Variants in CPNE4 observed in about 807,000 individuals in gnomAD.
The protein encoded by CPNE4 is copine 4.
A neutral mutation model predicts 67.9 loss-of-function variants in CPNE4; 25 were observed. The ratio of observed to expected loss-of-function variants is 0.37; its 90% CI spans 0.27 to 0.51. CPNE4 has a LOEUF of 0.51. Ranked by LOEUF, CPNE4 falls within the 20% of genes least tolerant of loss-of-function variation. The pLI, the probability that CPNE4 is intolerant of heterozygous loss-of-function variation, is 0.93. For missense variants in CPNE4, 464 were observed against 690.8 expected, an observed-to-expected ratio of 0.67 and a Z score of 3.68; for synonymous variants, 242 against 244.9, an observed-to-expected ratio of 0.99 and a Z score of 0.11.
intron 7 of CPNE4, among the ~76,000 whole-genome samples, chr3:131,608,234 C>T (rs556612500): frequency 6.6e-6 from 1 of 152,236 alleles, no homozygotes; most frequent in Non-Finnish European, 1.5e-5. Flanking sequence ...TATCCCTTTC[C>T]TTAAAAACTT....
chr3:132,029,617 C>T (rs1451821213), intron 1 of CPNE4, among the ~76,000 whole-genome samples: 1 of 152,230 alleles, frequency 6.6e-6, no homozygotes, highest in Non-Finnish European at 1.5e-5. Flanking sequence ...TTGCCCTACA[C>T]TTGGATAAGA....
intron 2 of CPNE4, among the ~76,000 whole-genome samples, chr3:131,899,422 A>G (rs1463456987): frequency 1.3e-5 from 2 of 152,124 alleles, no homozygotes; most frequent in East Asian, 1.9e-4. Context: ...AGTTACGGCA[A>G]TTACTACAAA....
At position 131,878,987 on chromosome 3, in the gene CPNE4, T is replaced by C. The variant is rs1583391720; in HGVS notation, c.180+26277A>G. Among the ~76,000 whole-genome samples the C allele has an allele frequency of 2.0e-5, 3 of 152,226 alleles. No individual in the cohort carries two copies. In the South Asian group the frequency reaches 6.2e-4, roughly 32 times the overall value. On this transcript the variant is annotated intron_variant, in intron 2 of 15. Transcript: ENST00000429747. ...AAATAACTTCTAAGAAATTGATTTG[T>C]TTAGTTTGGAACATTCCATTGAAAG... is the stretch of plus-strand genomic sequence containing the variant.
intron 11 of CPNE4, among the ~76,000 whole-genome samples, chr3:131,555,800 T>A (rs1220273436): frequency 2.6e-5 from 4 of 151,988 alleles, no homozygotes; most frequent in Non-Finnish European, 2.9e-5. Context: ...TTTGCTAGAT[T>A]CTATACTAAG....
intron 1 of CPNE4, among the ~76,000 whole-genome samples, chr3:131,912,897 C>A (rs970071887): frequency 6.6e-6 from 1 of 152,012 alleles, no homozygotes; most frequent in Non-Finnish European, 1.5e-5. Context: ...TGCTAGCCTG[C>A]GGACTACACC....
chr3:131,805,761 T>C (rs1008033409), intron 2 of CPNE4, among the ~76,000 whole-genome samples: 3 of 152,176 alleles, frequency 2.0e-5, no homozygotes, highest in Admixed American at 6.5e-5. Context: ...AGGGAGAAGG[T>C]GCAGCTCTTT....
chr3:131,613,986 G>T (rs188903463), intron 7 of CPNE4, among the ~76,000 whole-genome samples: 74 of 152,184 alleles, frequency 4.9e-4, no homozygotes, highest in African/African-American at 1.8e-3. Flanking sequence ...TTGTCATTTG[G>T]CCCAGTGGCT....
At chr3:131,857,822 G>A (rs1027580001) in intron 2 of CPNE4, among the ~76,000 whole-genome samples, 2 of 151,866 alleles carry the variant, frequency 1.3e-5, no homozygotes, top group African/African-American at 4.8e-5. Flanking sequence ...AGAATCCACT[G>A]AAAAATCCAA....
At chr3:131,953,239 TAAAAAAAA>T (rs1167094357) in intron 1 of CPNE4, among the ~76,000 whole-genome samples, 3 of 97,136 alleles carry the variant, frequency 3.1e-5, no homozygotes, top group Non-Finnish European at 5.9e-5. Flanking sequence ...AATGATCAAT[TAAAAAAAA>T]AAAAAAAAAA....
intron 7 of CPNE4, among the ~76,000 whole-genome samples, chr3:131,664,159 T>G (rs902003994): frequency 1.3e-5 from 2 of 152,144 alleles, no homozygotes; most frequent in African/African-American, 4.8e-5. Flanking sequence ...CTCAGGGTGC[T>G]TATATGGTGT....
intron 10 of CPNE4, among the ~76,000 whole-genome samples, chr3:131,569,803 T>G (rs1937241519): frequency 6.6e-6 from 1 of 151,934 alleles, no homozygotes; most frequent in African/African-American, 2.4e-5. Flanking sequence ...CAGCAGCTTA[T>G]TATATTACTA....
chr3:131,647,472 C>T (rs2079695400), intron 7 of CPNE4, among the ~76,000 whole-genome samples: 1 of 152,206 alleles, frequency 6.6e-6, no homozygotes, highest in Non-Finnish European at 1.5e-5. Flanking sequence ...CTGCCCTCCA[C>T]CGTCTCTAAT....
At chr3:131,769,559 A>G (rs1350292184) in intron 2 of CPNE4, among the ~76,000 whole-genome samples, 2 of 152,180 alleles carry the variant, frequency 1.3e-5, no homozygotes, top group Non-Finnish European at 2.9e-5. Context: ...AGTGATGATA[A>G]CCTGTATAGG....
intron 2 of CPNE4, among the ~76,000 whole-genome samples, chr3:131,801,350 T>A (rs570030804): frequency 1.0e-5 from 1 of 100,030 alleles, no homozygotes; most frequent in Non-Finnish European, 2.2e-5. Context: ...TATATATATA[T>A]GTACCATATA....
chr3:131,706,454 T>C (rs80176444), intron 3 of CPNE4, among the ~76,000 whole-genome samples: 1 of 152,330 alleles, frequency 6.6e-6, no homozygotes, highest in Non-Finnish European at 1.5e-5. Context: ...TACGTATGAA[T>C]GAGAAAATTG....
chr3:131,916,870 T>G (rs991366250), intron 1 of CPNE4, among the ~76,000 whole-genome samples: 1 of 152,180 alleles, frequency 6.6e-6, no homozygotes, highest in Non-Finnish European at 1.5e-5. Flanking sequence ...GTTTTCTTTG[T>G]TTTTTCTAAA....
intron 2 of CPNE4, among the ~76,000 whole-genome samples, chr3:131,827,249 T>C (rs2085197762): frequency 6.6e-6 from 1 of 152,220 alleles, no homozygotes; most frequent in South Asian, 2.1e-4. Context: ...CTTTGCATTG[T>C]AAAAATGAGC....
In CPNE4 at chr3:131,547,455, C is replaced by CAAAAAAAAAAAAAA. The variant is rs56412825; in HGVS notation, c.1302+2478_1302+2491dup. ...TGGGTGATAGACCAAGACCCTGTCG[C>CAAAAAAAAAAAAAA]AAAAAAAAAAAAAAAAAAAAAAAAA... is the stretch of plus-strand genomic sequence containing the variant. On this transcript the variant is annotated intron_variant, in intron 14 of 15. Coordinates refer to ENST00000429747, the MANE Select transcript of CPNE4 (RefSeq NM_130808.3). Among the ~76,000 whole-genome samples the CAAAAAAAAAAAAAA allele has an allele frequency of 1.0e-3, 37 of 36,544 alleles. 17 individuals carry two copies. The highest frequency in any genetic ancestry group is 2.4e-3 in the East Asian group (3 of 1,236). 24.0% of individuals were successfully genotyped at this position (36,544 alleles called of 152,430 possible). A position where few individuals can be genotyped will look rare whatever the true frequency, so the allele number is the denominator to read the frequency against.
chr3:131,936,039 C>G (rs1414461610), intron 1 of CPNE4, among the ~76,000 whole-genome samples: 1 of 151,846 alleles, frequency 6.6e-6, no homozygotes, highest in Admixed American at 6.6e-5. Flanking sequence ...TTTATTTTGG[C>G]AGAAATAGTC....
Sources: gnomAD v4.1 joint callset for allele counts (sites outside exome capture counted in the v4.1 genomes callset) on GRCh38, gnomAD v4.1.1 for gene constraint, MANE v1.5 for transcripts, NCBI Gene and HGNC (gene_info 2026-07-23, HGNC 2026-07-21) for gene names.